RBFOX1: variants seen among roughly 807,000 people sequenced by gnomAD.
RBFOX1 encodes RNA binding protein fox-1 homolog 1.
RBFOX1 carries 8 observed loss-of-function variants against 57.7 expected under a neutral mutation model. The ratio of observed to expected loss-of-function variants is 0.14; its 90% CI spans 0.08 to 0.25. RBFOX1 has a LOEUF of 0.25. Ranked by LOEUF, RBFOX1 falls within the 10% of genes least tolerant of loss-of-function variation. The pLI is 1.00. For synonymous variants in RBFOX1, 326 were observed against 222.4 expected, an observed-to-expected ratio of 1.47 and a Z score of -4.15; for missense variants, 611 against 548.5, an observed-to-expected ratio of 1.11 and a Z score of -1.14.
intron 4 of RBFOX1, among the ~76,000 whole-genome samples, chr16:7,219,167 T>A (rs1324385063): frequency 1.3e-5 from 2 of 152,086 alleles, no homozygotes; most frequent in Non-Finnish European, 2.9e-5. Flanking sequence ...TTCACCCCCA[T>A]GAAAATGGAA....
chr16:7,324,118 G>A (rs947312381), intron 4 of RBFOX1, among the ~76,000 whole-genome samples: 4 of 152,282 alleles, frequency 2.6e-5, no homozygotes, highest in African/African-American at 7.2e-5. Flanking sequence ...GACAGGGCAA[G>A]CTGAATTTCT....
chr16:5,987,545 A>G (rs1433224899), intron 4 of RBFOX1, among the ~76,000 whole-genome samples: 2 of 152,146 alleles, frequency 1.3e-5, no homozygotes, highest in Non-Finnish European at 1.5e-5. Flanking sequence ...TATAAAAGTC[A>G]TAAGCGGGGC....
intron 1 of RBFOX1, among the ~76,000 whole-genome samples, chr16:6,289,180 A>G (rs1487433566): frequency 6.6e-6 from 1 of 152,184 alleles, no homozygotes; most frequent in African/African-American, 2.4e-5. Flanking sequence ...ACCGTGGAAC[A>G]GTCTTTGATC....
chr16:6,857,466 T>G (rs1013889291), intron 3 of RBFOX1, among the ~76,000 whole-genome samples: 1 of 152,212 alleles, frequency 6.6e-6, no homozygotes, highest in East Asian at 1.9e-4. Flanking sequence ...TTACATGGTT[T>G]ATTTCACAAG....
intron 1 of RBFOX1, among the ~76,000 whole-genome samples, chr16:5,442,966 C>G (rs1020704143): frequency 2.6e-5 from 4 of 152,050 alleles, no homozygotes; most frequent in African/African-American, 7.2e-5. Context: ...CACAGGGGGA[C>G]AAACATGGAA....
intron 2 of RBFOX1, among the ~76,000 whole-genome samples, chr16:5,471,109 C>T (rs8182123): frequency 0.37 from 56,608 of 152,018 alleles, 11,740 homozygotes; most frequent in East Asian, 0.55. Context: ...GCTGGGATTG[C>T]AGGCGTGAGC....
In RBFOX1 at chr16:6,895,092, A is replaced by G. The variant is rs989712893; in HGVS notation, c.-15-156965A>G. Among the ~76,000 whole-genome samples, 13 of 152,210 alleles carry G rather than the reference A, an allele frequency of 8.5e-5. No homozygotes were observed. The East Asian group carries it at 2.3e-3, about 27-fold the overall frequency. On this transcript the variant is annotated intron_variant, in intron 3 of 15. Transcript: ENST00000550418. ...TTTAATAAATAATCTAATGACTTAAAGAAATAAAGTCTGGTCCTCTTTTCC... is the reference window on the plus strand; with the variant it reads ...TTTAATAAATAATCTAATGACTTAAGGAAATAAAGTCTGGTCCTCTTTTCC...
chr16:5,411,746 A>G (rs1567469466), intron 1 of RBFOX1, among the ~76,000 whole-genome samples: 1 of 151,366 alleles, frequency 6.6e-6, no homozygotes, highest in Non-Finnish European at 1.5e-5. Flanking sequence ...CAAAAAAAAA[A>G]TTAGTCAGGC....
intron 3 of RBFOX1, among the ~76,000 whole-genome samples, chr16:6,780,545 C>T (rs188857338): frequency 0.084 from 9,448 of 111,952 alleles, 722 homozygotes; most frequent in East Asian, 0.29. Flanking sequence ...TATACATTTA[C>T]ATATATATTT....
chr16:5,741,679 T>C (rs962425592), intron 3 of RBFOX1, among the ~76,000 whole-genome samples: 1 of 152,242 alleles, frequency 6.6e-6, no homozygotes, highest in African/African-American at 2.4e-5. Context: ...TATGGCTCCA[T>C]TAAAATTCAA....
intron 4 of RBFOX1, among the ~76,000 whole-genome samples, chr16:7,062,748 C>T (rs35206247): frequency 0.12 from 18,265 of 151,990 alleles, 1,593 homozygotes; most frequent in East Asian, 0.41. Context: ...TCATTCATTT[C>T]GGTAGTGATA....
intron 5 of RBFOX1, among the ~76,000 whole-genome samples, chr16:7,575,881 C>A (rs2093290341): frequency 6.6e-6 from 1 of 152,146 alleles, no homozygotes; most frequent in African/African-American, 2.4e-5. Context: ...TCTGTCATCT[C>A]CTGCTGCATT....
At chr16:5,410,751 C>T (rs1280847123) in intron 1 of RBFOX1, among the ~76,000 whole-genome samples, 1 of 150,878 alleles carries the variant, frequency 6.6e-6, no homozygotes, top group Admixed American at 6.6e-5. Context: ...GCTGTTCCTC[C>T]TGTTTACAAT....
chr16:6,972,313 G>C (rs760122431), intron 3 of RBFOX1, among the ~76,000 whole-genome samples: 5 of 151,860 alleles, frequency 3.3e-5, no homozygotes, highest in Admixed American at 3.3e-4. Flanking sequence ...ATTGGGCTAC[G>C]TTTGCTACCT....
chr16:6,540,138 G>C (rs533502612), intron 2 of RBFOX1, among the ~76,000 whole-genome samples: 1 of 152,252 alleles, frequency 6.6e-6, no homozygotes, highest in African/African-American at 2.4e-5. Context: ...ATAATGACCT[G>C]ATTCTGTATG....
intron 1 of RBFOX1, among the ~76,000 whole-genome samples, chr16:6,220,747 A>G (rs541325970): frequency 6.1e-5 from 9 of 148,512 alleles, no homozygotes; most frequent in South Asian, 2.2e-4. Context: ...AAAATAATGA[A>G]GAAAACAAAA....
At chr16:7,040,467 A>G (rs561116274) in intron 3 of RBFOX1, among the ~76,000 whole-genome samples, 3 of 152,318 alleles carry the variant, frequency 2.0e-5, no homozygotes, top group East Asian at 3.9e-4. Flanking sequence ...TGCTCTTAGT[A>G]TGAATTTATA....
At chr16:6,829,461 A>G (rs2092517262) in intron 3 of RBFOX1, among the ~76,000 whole-genome samples, 1 of 147,144 alleles carries the variant, frequency 6.8e-6, no homozygotes, top group Non-Finnish European at 1.5e-5. Context: ...TGTCCATGCA[A>G]TGAAATACCA....
intron 2 of RBFOX1, among the ~76,000 whole-genome samples, chr16:6,628,997 T>G (rs1164601959): frequency 6.6e-6 from 1 of 152,154 alleles, no homozygotes; most frequent in Non-Finnish European, 1.5e-5. Context: ...ACCACTGCAC[T>G]GCAGCCTGGG....
Sources: gnomAD v4.1 joint callset for allele counts (sites outside exome capture counted in the v4.1 genomes callset) on GRCh38, gnomAD v4.1.1 for gene constraint, MANE v1.5 for transcripts, NCBI Gene and HGNC (gene_info 2026-07-23, HGNC 2026-07-21) for gene names.